Variants in ADAMTS12 observed in about 807,000 individuals in gnomAD.
ADAMTS12 encodes A disintegrin and metalloproteinase with thrombospondin motifs 12.
ADAMTS12 carries 118 observed loss-of-function variants against 167.8 expected under a neutral mutation model. The ratio of observed to expected loss-of-function variants is 0.70; its 90% confidence interval spans 0.61 to 0.82. The LOEUF (loss-of-function observed/expected upper bound fraction) is 0.82, where lower values mean the gene tolerates loss of function less well. Ranked by LOEUF, ADAMTS12 falls within the 40% of genes least tolerant of loss-of-function variation. The probability of loss-of-function intolerance (pLI) is 0.00; values close to 1 mark genes in which losing one functional copy is unlikely to be tolerated. For synonymous variants in ADAMTS12, 704 were observed against 716.9 expected (o/e 0.98, Z 0.29); for missense variants, 1,916 against 1,998.8 (o/e 0.96, Z 0.79).
At chr5:33,598,148 G>C (rs1738003024) in intron 16 of ADAMTS12, among the ~76,000 whole-genome samples, 2 of 152,152 alleles carry the variant, frequency 1.3e-5, no homozygotes. Flanking sequence ...CTATGTGTCA[G>C]AGTTTCTCCA....
chr5:33,677,182 T>C (rs1016176273), intron 5 of ADAMTS12, among the ~76,000 whole-genome samples: 1 of 152,192 alleles, frequency 6.6e-6, no homozygotes, highest in African/African-American at 2.4e-5. Flanking sequence ...GAAATAAGCA[T>C]AGTATTAATA....
chr5:33,761,135 G>A (rs1012905848), intron 2 of ADAMTS12, among the ~76,000 whole-genome samples: 5 of 145,958 alleles, frequency 3.4e-5, no homozygotes, highest in African/African-American at 1.3e-4. Context: ...ATTTAGCCTT[G>A]ATACAGCACT....
intron 3 of ADAMTS12, among the ~76,000 whole-genome samples, chr5:33,715,882 A>C (rs958148057): frequency 6.6e-6 from 1 of 152,090 alleles, no homozygotes; most frequent in Admixed American, 6.6e-5. Flanking sequence ...AACCCCACCC[A>C]AGTTTCTTCT....
At chr5:33,562,930 C>A (rs555054165) in intron 19 of ADAMTS12, among the ~76,000 whole-genome samples, 1 of 151,950 alleles carries the variant, frequency 6.6e-6, no homozygotes, top group Non-Finnish European at 1.5e-5. Context: ...CCACGCCTGG[C>A]CTTCACTCTC....
intron 18 of ADAMTS12, among the ~76,000 whole-genome samples, chr5:33,584,426 C>T (rs1846980): frequency 0.04 from 6,100 of 151,786 alleles, 386 homozygotes; most frequent in African/African-American, 0.13. Flanking sequence ...CCAAGCACTG[C>T]GCTTATAGTG....
In ADAMTS12 at chr5:33,683,041, G is replaced by A. The variant is rs142161205; in HGVS notation, c.892C>T (p.Leu298Phe). Residue 298 changes from leucine (L) to phenylalanine (F), a missense_variant, in exon 5 of 24, where the codon CTC (leucine) becomes TTC (phenylalanine). By Grantham distance (22) the Leu-to-Phe change is conservative (BLOSUM62 0). Coordinates refer to ENST00000504830, the MANE Select transcript of ADAMTS12 (RefSeq NM_030955.4). The part of the protein sequence containing the change: ...GNAIHIVVVR[L>F]ILLEEEEQGL... ...ACCTCTTCTTCTTCGAGTAGAATGA[G>A]CCGAACCACAACAATGTGAATTGCA... 7.6e-4 allele frequency: 1,222 copies of A among 1,613,294 alleles called. 5 individuals carry two copies. Among genetic ancestry groups the A allele is most frequent in the South Asian group, 1.1e-3 (104 of 90,856 alleles).
At chr5:33,799,866 ATCT>A (rs1746929258) in intron 2 of ADAMTS12, among the ~76,000 whole-genome samples, 2 of 152,174 alleles carry the variant, frequency 1.3e-5, no homozygotes, top group Admixed American at 6.5e-5. Flanking sequence ...GACATACACA[ATCT>A]TCTCCTCAAT....
intron 19 of ADAMTS12, among the ~76,000 whole-genome samples, chr5:33,570,248 C>A (rs1223149794): frequency 6.6e-6 from 1 of 152,110 alleles, no homozygotes; most frequent in African/African-American, 2.4e-5. Context: ...ACAGAGAACA[C>A]CACAAAGATA....
chr5:33,796,417 C>A (rs758769617), intron 2 of ADAMTS12, among the ~76,000 whole-genome samples: 5 of 152,198 alleles, frequency 3.3e-5, no homozygotes, highest in Non-Finnish European at 5.9e-5. Flanking sequence ...TGATTTCCTA[C>A]ACATTTATTT....
intron 3 of ADAMTS12, among the ~76,000 whole-genome samples, chr5:33,689,074 C>T (rs1221067265): frequency 6.6e-6 from 1 of 152,214 alleles, no homozygotes; most frequent in Non-Finnish European, 1.5e-5. Context: ...AAACATGACA[C>T]CTGGGCAGCA....
chr5:33,891,891 GT>G lies in ADAMTS12; in HGVS notation c.-36del, dbSNP rs1203837830. The G allele has an allele frequency of 6.2e-7, 1 of 1,604,386 alleles. No homozygotes were observed. The highest frequency in any genetic ancestry group is 8.5e-7 in the Non-Finnish European group (1 of 1,175,396). On this transcript the variant is annotated 5_prime_UTR_variant, in exon 1 of 24. Coordinates refer to ENST00000504830, the MANE Select transcript of ADAMTS12 (RefSeq NM_030955.4). ...GTTGAGGAGAAGAAAAGTCAAAAAA[GT>G]TTTAGCCCTCAGCTCCAGAAATAAA... is the stretch of plus-strand genomic sequence containing the variant.
rs1440470079 is a variant in ADAMTS12, at chr5:33,538,347, T to C, written c.4447-3355A>G. On this transcript the variant is annotated intron_variant, in intron 22 of 23. Coordinates refer to ENST00000504830, the MANE Select transcript of ADAMTS12 (RefSeq NM_030955.4). ...ACAGCATGGGGGAAACTGCCCCCCA[T>C]GATCCGCTCACCTGCCACTGGGTCT... Among the ~76,000 whole-genome samples the C allele has an allele frequency of 3.3e-5, 5 of 152,270 alleles. No individual in the cohort carries two copies. In the East Asian group the frequency reaches 9.7e-4, roughly 29 times the overall value.
At chr5:33,537,604 T>C (rs940320707) in intron 22 of ADAMTS12, among the ~76,000 whole-genome samples, 1 of 152,240 alleles carries the variant, frequency 6.6e-6, no homozygotes, top group Admixed American at 6.5e-5. Context: ...GCTGAAATTG[T>C]ATCCTTCGGT....
chr5:33,692,713 C>T (rs1057170751), intron 3 of ADAMTS12, among the ~76,000 whole-genome samples: 10 of 152,100 alleles, frequency 6.6e-5, no homozygotes, highest in African/African-American at 1.9e-4. Context: ...GCATTCAATC[C>T]GTCCCCTCAG....
Position 33,675,384 on chromosome 5 carries a change from T to C in ADAMTS12, c.915+7634A>G, listed in dbSNP as rs941769293. 5.3e-5 allele frequency among the ~76,000 whole-genome samples: 8 copies of C among 152,188 alleles called. No individual in the cohort carries two copies. In the East Asian group the frequency reaches 1.2e-3, roughly 22 times the overall value. Reference sequence around the variant, plus strand: ...AGGAGTAAAGGAGAGGGAAAGAAGCTGAATAGTAAAATAAAATCTCAACAT... The same window carrying C: ...AGGAGTAAAGGAGAGGGAAAGAAGCCGAATAGTAAAATAAAATCTCAACAT... On this transcript the variant is annotated intron_variant, in intron 5 of 23. Coordinates refer to ENST00000504830, the MANE Select transcript of ADAMTS12 (RefSeq NM_030955.4).
At chr5:33,835,102 G>T (rs1255774040) in intron 2 of ADAMTS12, among the ~76,000 whole-genome samples, 2 of 152,152 alleles carry the variant, frequency 1.3e-5, no homozygotes, top group Non-Finnish European at 2.9e-5. Context: ...CCATGAAATT[G>T]AATCTGTTTT....
intron 20 of ADAMTS12, among the ~76,000 whole-genome samples, chr5:33,550,742 T>C (rs1332328684): frequency 3.9e-5 from 6 of 152,174 alleles, no homozygotes; most frequent in Admixed American, 6.5e-5. Flanking sequence ...GCAACTTTGA[T>C]TGATTTTGTC....
intron 2 of ADAMTS12, among the ~76,000 whole-genome samples, chr5:33,812,146 A>G (rs946011976): frequency 2.0e-5 from 3 of 152,078 alleles, no homozygotes; most frequent in African/African-American, 7.2e-5. Context: ...AAAAATAGCC[A>G]GTCTTGGTGA....
At chr5:33,700,996 C>G (rs2877317) in intron 3 of ADAMTS12, among the ~76,000 whole-genome samples, 20,707 of 152,090 alleles carry the variant, frequency 0.14, 1,688 homozygotes, top group South Asian at 0.36. Context: ...CCCTTCTGAA[C>G]TCCAGATCTG....
Sources: allele counts gnomAD v4.1 joint callset (sites outside exome capture counted in the v4.1 genomes callset), GRCh38; gene constraint gnomAD v4.1.1; transcripts MANE v1.5; gene names NCBI Gene and HGNC (gene_info 2026-07-23, HGNC 2026-07-21).